The following PCCA variants were observed in gnomAD, a reference collection of about 807,000 sequenced individuals.
PCCA encodes the protein propionyl-CoA carboxylase alpha chain, mitochondrial.
In PCCA, 74 loss-of-function variants were observed where a neutral mutation model predicts 101.3. That is an observed-to-expected ratio of 0.73 (90% confidence interval 0.61 to 0.89). The LOEUF (loss-of-function observed/expected upper bound fraction) is 0.89, where lower values mean the gene tolerates loss of function less well. Ranked by LOEUF, PCCA falls within the 40% of genes least tolerant of loss-of-function variation. PCCA has a pLI of 0.00. For missense variants in PCCA, 891 were observed against 907.0 expected (o/e 0.98, Z 0.23); for synonymous variants, 294 against 313.6 (o/e 0.94, Z 0.66).
intron 16 of PCCA, among the ~76,000 whole-genome samples, chr13:100,320,721 G>T (rs2067938373): frequency 6.6e-6 from 1 of 152,086 alleles, no homozygotes. Flanking sequence ...GCTGGATTTG[G>T]TTTGCCAGTA....
Position 100,252,991 on chromosome 13 carries a change from T to C in PCCA, c.638-4604T>C, listed in dbSNP as rs560833823. 3.9e-5 allele frequency among the ~76,000 whole-genome samples: 6 copies of C among 152,290 alleles called. No individual in the cohort carries two copies. In the South Asian group the frequency reaches 1.2e-3, roughly 32 times the overall value. ...TCTGGACTCATCCCCCCTCACTGAT[T>C]TTCAGAGTGCTCGCTCTATCTTGTC... is the stretch of plus-strand genomic sequence containing the variant. On this transcript the variant is annotated intron_variant, in intron 8 of 23. Coordinates refer to ENST00000376285, the MANE Select transcript of PCCA (RefSeq NM_000282.4).
At chr13:100,305,175 T>A (rs1348758281) in intron 14 of PCCA, among the ~76,000 whole-genome samples, 2 of 152,188 alleles carry the variant, frequency 1.3e-5, no homozygotes, top group African/African-American at 4.8e-5. Flanking sequence ...CAGTTTTTAA[T>A]TGGGAATACT....
intron 22 of PCCA, among the ~76,000 whole-genome samples, chr13:100,521,642 C>A (rs556955437): frequency 1.4e-5 from 2 of 147,794 alleles, no homozygotes; most frequent in Non-Finnish European, 2.9e-5. Flanking sequence ...TAATCAGATG[C>A]GAGCAGGCAG....
chr13:100,349,417 G>A (rs1025582126), intron 18 of PCCA, among the ~76,000 whole-genome samples: 3 of 151,072 alleles, frequency 2.0e-5, no homozygotes, highest in South Asian at 2.1e-4. Context: ...GTGAGCCACC[G>A]TGCCTGGCCT....
chr13:100,203,635 A>G (rs1267088998), intron 6 of PCCA, among the ~76,000 whole-genome samples: 1 of 152,174 alleles, frequency 6.6e-6, no homozygotes, highest in Non-Finnish European at 1.5e-5. Flanking sequence ...GGAGATTGCA[A>G]TGAGCCAGGA....
chr13:100,487,269 T>G (rs2084460494), intron 21 of PCCA, among the ~76,000 whole-genome samples: 1 of 152,186 alleles, frequency 6.6e-6, no homozygotes, highest in African/African-American at 2.4e-5. Flanking sequence ...CTAAGGTGCT[T>G]GAAGGGGGGA....
chr13:100,187,213 G>A (rs1344557419), intron 6 of PCCA, among the ~76,000 whole-genome samples: 1 of 152,172 alleles, frequency 6.6e-6, no homozygotes, highest in East Asian at 1.9e-4. Context: ...TATACCTGTT[G>A]ATTATTAATT....
intron 5 of PCCA, among the ~76,000 whole-genome samples, 182 bp from the exon 6 acceptor site, chr13:100,157,105 T>C (rs960540096): frequency 1.3e-5 from 2 of 152,192 alleles, no homozygotes; most frequent in Non-Finnish European, 2.9e-5. Flanking sequence ...TAAGAGGCAG[T>C]TTCTTGGAAT....
intron 21 of PCCA, among the ~76,000 whole-genome samples, chr13:100,488,863 G>T (rs955831885): frequency 6.6e-6 from 1 of 151,750 alleles, no homozygotes; most frequent in Non-Finnish European, 1.5e-5. Context: ...CCCCTAATCT[G>T]TTTTACCATG....
chr13:100,336,596 G>A (rs988645339), intron 17 of PCCA, among the ~76,000 whole-genome samples: 4 of 152,162 alleles, frequency 2.6e-5, no homozygotes, highest in East Asian at 1.9e-4. Context: ...GTAAGAGTTA[G>A]TTGTGAGGAG....
intron 6 of PCCA, among the ~76,000 whole-genome samples, chr13:100,185,573 C>T (rs2057182083): frequency 6.6e-6 from 1 of 152,066 alleles, no homozygotes; most frequent in South Asian, 2.1e-4. Flanking sequence ...TCTTGAACTC[C>T]TGGGCTCAAG....
chr13:100,089,608 C>T (rs1230361208), intron 1 of PCCA, among the ~76,000 whole-genome samples: 1 of 152,200 alleles, frequency 6.6e-6, no homozygotes, highest in African/African-American at 2.4e-5. Flanking sequence ...TTATAGTTTC[C>T]GTGTTCTGTT....
chr13:100,160,270 A>T (rs1433361883), intron 6 of PCCA, among the ~76,000 whole-genome samples: 1 of 152,122 alleles, frequency 6.6e-6, no homozygotes, highest in Non-Finnish European at 1.5e-5. Flanking sequence ...TGGGAGGCTG[A>T]GGTGGGCAGA....
At chr13:100,386,317 C>A (rs972237399) in intron 19 of PCCA, among the ~76,000 whole-genome samples, 1 of 152,170 alleles carries the variant, frequency 6.6e-6, no homozygotes, top group Non-Finnish European at 1.5e-5. Flanking sequence ...AAATATGATA[C>A]ATTCATAACA....
chr13:100,362,910 G>C (rs1351194177), intron 18 of PCCA, among the ~76,000 whole-genome samples: 1 of 152,092 alleles, frequency 6.6e-6, no homozygotes, highest in Non-Finnish European at 1.5e-5. Flanking sequence ...TCCTAGCTTT[G>C]AAGAGGTTCT....
intron 7 of PCCA, among the ~76,000 whole-genome samples, chr13:100,210,648 A>C (rs780430707): frequency 1.3e-5 from 2 of 152,238 alleles, no homozygotes; most frequent in Non-Finnish European, 2.9e-5. Flanking sequence ...TCCTTTTCCC[A>C]TGAGAAATTA....
At chr13:100,337,523 G>A (rs143707169) in intron 17 of PCCA, among the ~76,000 whole-genome samples, 93 of 152,316 alleles carry the variant, frequency 6.1e-4, no homozygotes, top group African/African-American at 2.1e-3. Flanking sequence ...TGTAAGAATA[G>A]GTCAGTTATG....
At chr13:100,343,905 T>C (rs1487431480) in intron 18 of PCCA, among the ~76,000 whole-genome samples, 2 of 152,132 alleles carry the variant, frequency 1.3e-5, no homozygotes, top group African/African-American at 4.8e-5. Context: ...CGAAACCCTG[T>C]CTGTACTAAA....
At chr13:100,376,676 G>T (rs945176903) in intron 19 of PCCA, among the ~76,000 whole-genome samples, 1 of 152,302 alleles carries the variant, frequency 6.6e-6, no homozygotes, top group East Asian at 1.9e-4. Context: ...CTCCCTGCCA[G>T]GTTGACTTCA....
Sources: gnomAD v4.1 joint callset for allele counts (sites outside exome capture counted in the v4.1 genomes callset) on GRCh38, gnomAD v4.1.1 for gene constraint, MANE v1.5 for transcripts, NCBI Gene and HGNC (gene_info 2026-07-23, HGNC 2026-07-21) for gene names.